Variants in CSMD1 observed in about 807,000 individuals in gnomAD.
The protein encoded by CSMD1 is CUB and Sushi multiple domains 1.
In CSMD1, 213 loss-of-function variants were observed where a neutral mutation model predicts 417.5. The ratio of observed to expected loss-of-function variants is 0.51; its 90% confidence interval spans 0.46 to 0.57. The LOEUF is 0.57. Among genes scored for constraint, CSMD1 ranks in the 20% least tolerant of loss-of-function variants. The pLI is 0.00. For synonymous variants in CSMD1, 2,862 were observed against 1,736.8 expected (o/e 1.65, Z -16.11); for missense variants, 6,923 against 4,529.7 (o/e 1.53, Z -15.17).
intron 5 of CSMD1, among the ~76,000 whole-genome samples, chr8:3,972,724 A>C (rs1336555457): frequency 6.6e-6 from 1 of 152,264 alleles, no homozygotes; most frequent in East Asian, 1.9e-4. Flanking sequence ...TACTTGTGGG[A>C]GTAAACACAC....
At chr8:3,164,210 T>A (rs551942632) in intron 37 of CSMD1, among the ~76,000 whole-genome samples, 138 of 152,308 alleles carry the variant, frequency 9.1e-4, no homozygotes, top group Admixed American at 1.9e-3. Flanking sequence ...CAGTGGTACA[T>A]AAACTAGTTG....
chr8:3,241,518 C>G (rs1032441024), intron 26 of CSMD1, among the ~76,000 whole-genome samples: 1 of 152,152 alleles, frequency 6.6e-6, no homozygotes, highest in African/African-American at 2.4e-5. Context: ...AGGAGTGAGT[C>G]AGAGAGTCTT....
At chr8:4,815,325 G>T (rs1442832358) in intron 1 of CSMD1, among the ~76,000 whole-genome samples, 1 of 152,144 alleles carries the variant, frequency 6.6e-6, no homozygotes, top group South Asian at 2.1e-4. Flanking sequence ...TTAGGCAAAA[G>T]GTATGACATC....
intron 2 of CSMD1, among the ~76,000 whole-genome samples, chr8:4,460,468 T>C (rs898425068): frequency 6.6e-6 from 1 of 152,028 alleles, no homozygotes; most frequent in Non-Finnish European, 1.5e-5. Flanking sequence ...GAATAACAAA[T>C]ATTCTAGTGA....
At chr8:3,569,403 G>A (rs944463225) in intron 10 of CSMD1, among the ~76,000 whole-genome samples, 2 of 152,152 alleles carry the variant, frequency 1.3e-5, no homozygotes, top group South Asian at 2.1e-4. Context: ...AGTCAAAGCC[G>A]AGATAAGACT....
intron 12 of CSMD1, among the ~76,000 whole-genome samples, chr8:3,414,497 T>C (rs1017593054): frequency 1.9e-4 from 29 of 152,282 alleles, no homozygotes; most frequent in Admixed American, 1.2e-3. Flanking sequence ...TTTGCCATCA[T>C]TGACGCTCTT....
rs572464211 is a variant in CSMD1, at chr8:4,005,628, G to C, written c.611-7518C>G. On this transcript the variant is annotated intron_variant, in intron 4 of 69. Transcript: ENST00000635120. ...CAGTCATAAATTCACTCTCAATTGA[G>C]AGAACATAGGGTGTCTCCCATGGAT... is the stretch of plus-strand genomic sequence containing the variant. Among the ~76,000 whole-genome samples the C allele has an allele frequency of 1.2e-4, 18 of 152,312 alleles. No individual in the cohort carries two copies. In the South Asian group the frequency reaches 1.9e-3, roughly 16 times the overall value.
chr8:4,587,393 GTATATGTGGATATATATGTATATGTAC>G (rs1799756521), intron 2 of CSMD1, among the ~76,000 whole-genome samples: 1 of 76,514 alleles, frequency 1.3e-5, no homozygotes, highest in African/African-American at 7.6e-5. Flanking sequence ...GTACATACAT[GTATATGTGGATATATATGTATATGTAC>G]ATGTATATGT....
chr8:3,596,092 C>T (rs913729433), intron 8 of CSMD1, among the ~76,000 whole-genome samples: 7 of 152,164 alleles, frequency 4.6e-5, no homozygotes, highest in African/African-American at 1.7e-4. Context: ...AACTCTAGAC[C>T]AAAAGGCGTT....
chr8:4,004,240 A>C lies in CSMD1; in HGVS notation c.611-6130T>G, dbSNP rs547598968. Among the ~76,000 whole-genome samples, 3 of 152,122 alleles carry C rather than the reference A, an allele frequency of 2.0e-5. 1 individual carries two copies. The South Asian group carries it at 6.2e-4, about 32-fold the overall frequency. ...CTCCTTCAATCTTTTGTCAAGAAATAGTTTAACATCTAAAAAACATCCCAG... is the reference window on the plus strand; with the variant it reads ...CTCCTTCAATCTTTTGTCAAGAAATCGTTTAACATCTAAAAAACATCCCAG... On this transcript the variant is annotated intron_variant, in intron 4 of 69. Coordinates refer to ENST00000635120, the MANE Select transcript of CSMD1 (RefSeq NM_033225.6).
intron 3 of CSMD1, among the ~76,000 whole-genome samples, chr8:4,378,318 G>A (rs1455154578): frequency 6.6e-6 from 1 of 152,174 alleles, no homozygotes; most frequent in African/African-American, 2.4e-5. Context: ...GTTATAAATT[G>A]CTGTTTTTGA....
chr8:3,787,773 A>G lies in CSMD1; in HGVS notation c.819-33731T>C, dbSNP rs544155213. On this transcript the variant is annotated intron_variant, in intron 5 of 69. Coordinates refer to ENST00000635120, the MANE Select transcript of CSMD1 (RefSeq NM_033225.6). ...GGGAAGTTAAGAAGTGTTATAATACAAGCTAGGAACTGGCACTTTTTAGTA... is the reference window on the plus strand; with the variant it reads ...GGGAAGTTAAGAAGTGTTATAATACGAGCTAGGAACTGGCACTTTTTAGTA... Among the ~76,000 whole-genome samples the G allele has an allele frequency of 4.8e-4, 73 of 152,354 alleles. No homozygotes were observed. The South Asian group carries it at 0.015, about 31-fold the overall frequency.
At chr8:3,412,239 T>C (rs548157323) in intron 12 of CSMD1, among the ~76,000 whole-genome samples, 34 of 151,394 alleles carry the variant, frequency 2.2e-4, no homozygotes, top group Admixed American at 7.9e-4. Context: ...CACTCATTGA[T>C]TGATGGGCAT....
Position 4,526,004 on chromosome 8 carries a change from CT to C in CSMD1, c.303-105940del, listed in dbSNP as rs556166338. ...GTTGCTTCCAGAAAACAGTGGGGAGCTCTGTTTCAGCTCTAGAAGGAGTGGA... is the reference window on the plus strand; with the variant it reads ...GTTGCTTCCAGAAAACAGTGGGGAGCCTGTTTCAGCTCTAGAAGGAGTGGA... On this transcript the variant is annotated intron_variant, in intron 2 of 69. Coordinates refer to ENST00000635120, the MANE Select transcript of CSMD1 (RefSeq NM_033225.6). 5.6e-3 allele frequency among the ~76,000 whole-genome samples: 853 copies of C among 152,214 alleles called. 6 individuals carry two copies. Among genetic ancestry groups the C allele is most frequent in the Non-Finnish European group, 9.6e-3 (650 of 68,012 alleles).
intron 11 of CSMD1, among the ~76,000 whole-genome samples, chr8:3,484,337 C>G (rs1002080058): frequency 6.6e-6 from 1 of 152,138 alleles, no homozygotes; most frequent in Admixed American, 6.5e-5. Context: ...TGGAGAAAGG[C>G]GAGTCCTTTC....
In CSMD1 at chr8:4,179,981, G is replaced by A. The variant is rs187370972; in HGVS notation, c.416-147882C>T. The stretch of plus-strand genomic sequence containing the variant: ...AGGAACACTTTTACACTGTTAGTGG[G>A]ACTGTAAACTAATTCAACCATTGTG... On this transcript the variant is annotated intron_variant, in intron 3 of 69. Transcript: ENST00000635120. 1.9e-4 allele frequency among the ~76,000 whole-genome samples: 29 copies of A among 152,128 alleles called. No homozygotes were observed. The East Asian group carries it at 5.4e-3, about 29-fold the overall frequency.
At position 4,640,949 on chromosome 8, in the gene CSMD1, G is replaced by A. The variant is rs554620063; in HGVS notation, c.86-3391C>T. 6.0e-5 allele frequency among the ~76,000 whole-genome samples: 9 copies of A among 150,742 alleles called. No homozygotes were observed. In the East Asian group the frequency reaches 1.8e-3, roughly 30 times the overall value. On this transcript the variant is annotated intron_variant, in intron 1 of 69. Transcript: ENST00000635120. ...CCTGAAATAAAATATCAATATCAATGGCAATATCAATGGTAAAAAAGAAGT... is the reference window on the plus strand; with the variant it reads ...CCTGAAATAAAATATCAATATCAATAGCAATATCAATGGTAAAAAAGAAGT...
chr8:4,325,790 G>A (rs543827538), intron 3 of CSMD1, among the ~76,000 whole-genome samples: 5 of 151,954 alleles, frequency 3.3e-5, no homozygotes, highest in African/African-American at 1.2e-4. Context: ...TTAAATGCTG[G>A]CCCATTTAAA....
chr8:4,124,134 G>A (rs1802634357), intron 3 of CSMD1, among the ~76,000 whole-genome samples: 2 of 152,120 alleles, frequency 1.3e-5, no homozygotes, highest in Admixed American at 1.3e-4. Flanking sequence ...GAAGTCAAGT[G>A]ATGAATGTTG....
Sources: gnomAD v4.1 joint callset for allele counts (sites outside exome capture counted in the v4.1 genomes callset) on GRCh38, gnomAD v4.1.1 for gene constraint, MANE v1.5 for transcripts, NCBI Gene and HGNC (gene_info 2026-07-23, HGNC 2026-07-21) for gene names.